CHD5: variants seen among roughly 807,000 people sequenced by gnomAD.
CHD5 encodes the protein ATP-dependent chromatin remodeler CHD5.
In CHD5, 69 loss-of-function variants were observed where a neutral mutation model predicts 230.3. That is an observed-to-expected ratio of 0.30 (90% CI 0.25 to 0.37). The LOEUF (loss-of-function observed/expected upper bound fraction) is 0.37. Among genes scored for constraint, CHD5 ranks in the 10% least tolerant of loss-of-function variants. The pLI is 1.00. For missense variants in CHD5, 1,827 were observed against 2,622.8 expected, an observed-to-expected ratio of 0.70 and a Z score of 6.63; for synonymous variants, 1,064 against 1,065.9, an observed-to-expected ratio of 1.00 and a Z score of 0.03.
chr1:6,130,252 G>A lies in CHD5; in HGVS notation c.3339C>T (p.Asp1113=). 1 of 1,614,128 alleles carries A rather than the reference G, an allele frequency of 6.2e-7. No homozygotes were observed. The change falls in exon 22 of 42, where the codon GAC becomes GAT. Residue 1113 remains aspartate (D), a synonymous_variant. Coordinates refer to ENST00000262450, the MANE Select transcript of CHD5 (RefSeq NM_015557.3). This position sits in a 1 kb window ranked among gnomAD's most constrained non-coding sequence, Gnocchi z 4.9. ...AGTCCGAGTCGTAGATGATGACAGTGTCCGCCGTGGCCAGGTTGATGCCCA... is the reference window on the plus strand; with the variant it reads ...AGTCCGAGTCGTAGATGATGACAGTATCCGCCGTGGCCAGGTTGATGCCCA... ...GGLGINLATA[D]TVIIYDSDWN...
chr1:6,153,194 G>A (rs1264457974), intron 5 of CHD5, among the ~76,000 whole-genome samples: 1 of 152,188 alleles, frequency 6.6e-6, no homozygotes, highest in Non-Finnish European at 1.5e-5. Context: ...ATGGAGCTAG[G>A]AGCCCAGCTG....
In CHD5 at chr1:6,154,618, T is replaced by A. The variant is rs763425409; in HGVS notation, c.745+42A>T. On this transcript the variant is annotated intron_variant, in intron 5 of 41. Transcript: ENST00000262450. The surrounding 1 kb of genome is among the most constrained non-coding windows in gnomAD (Gnocchi z 7.0). ...TCTCCTATAGGGTCTGAAAGGGACC[T>A]CTTCCCAGCGGGACTAGGTGCCCAC... The A allele has an allele frequency of 6.6e-7, 1 of 1,513,956 alleles. No homozygotes were observed. The highest frequency in any genetic ancestry group is 8.9e-7 in the Non-Finnish European group (1 of 1,129,370). The allele number at this position is 1,513,956 out of a possible 1,614,324, so 93.8% of individuals were successfully genotyped here.
At position 6,154,134 on chromosome 1, in the gene CHD5, G is replaced by C. The variant is rs1163977083; in HGVS notation, c.745+526C>G. ...TCCCTCCAACTCCTGCCTGCTTCCC[G>C]GATCCTAAAGCTGGAGGGGCAGGGC... is the stretch of plus-strand genomic sequence containing the variant. On this transcript the variant is annotated intron_variant, in intron 5 of 41. Transcript: ENST00000262450. The surrounding 1 kb of genome is among the most constrained non-coding windows in gnomAD (Gnocchi z 7.0). Among the ~76,000 whole-genome samples, 1 of 152,136 alleles carries C rather than the reference G, an allele frequency of 6.6e-6. No homozygotes were observed. The highest frequency in any genetic ancestry group is 1.5e-5 in the Non-Finnish European group (1 of 68,028).
chr1:6,131,644 G>C lies in CHD5; in HGVS notation c.3249C>G (p.Ile1083Met). The C allele has an allele frequency of 6.2e-7, 1 of 1,602,456 alleles. No homozygotes were observed. Among genetic ancestry groups the C allele is most frequent in the Non-Finnish European group, 8.6e-7 (1 of 1,169,476 alleles). Residue 1083 changes from isoleucine to methionine, a missense_variant, in exon 21 of 42, where the codon ATC becomes ATG. This residue lies in a region of CHD5 where 81 missense variants were observed against 245.4 expected (regional missense o/e 0.33). Transcript: ENST00000262450. This position sits in a 1 kb window ranked among gnomAD's most constrained non-coding sequence, Gnocchi z 5.0. ...GITGGLRQEA[I>M]DRFNAPGAQQ... is the part of the protein sequence containing the mutation. ...GGATGGGGGTACCATTGAATCTGTC[G>C]ATTGCCTCCTGCCGGAGGCCCCCGG... is the stretch of plus-strand genomic sequence containing the variant.
At chr1:6,175,242 TTGATGGATGGA>T (rs1667406140) in intron 1 of CHD5, among the ~76,000 whole-genome samples, 2 of 138,430 alleles carry the variant, frequency 1.4e-5, no homozygotes, top group African/African-American at 5.7e-5. Flanking sequence ...GGATTGTGGA[TTGATGGATGGA>T]TGGTGGGTGG....
At chr1:6,124,196 TGAAAGTGTCACAGGCTTGGGGTA>T in intron 30 of CHD5, 89 bp from the exon 31 acceptor site, 1 of 1,263,872 alleles carries the variant, frequency 7.9e-7, no homozygotes. Flanking sequence ...CCAGGGGGGC[TGAAAGTGTCACAGGCTTGGGGTA>T]GCTGCTACCT....
chr1:6,147,467 C>T (rs1666929372), intron 9 of CHD5, among the ~76,000 whole-genome samples: 1 of 152,180 alleles, frequency 6.6e-6, no homozygotes, highest in Non-Finnish European at 1.5e-5. Flanking sequence ...CTGACAGATG[C>T]TAGGGTGACA....
intron 1 of CHD5, among the ~76,000 whole-genome samples, chr1:6,172,659 C>T (rs1667357512): frequency 6.6e-6 from 1 of 152,208 alleles, no homozygotes; most frequent in African/African-American, 2.4e-5. Flanking sequence ...CACCCTCCCA[C>T]TGAAACAGCC....
intron 20 of CHD5, among the ~76,000 whole-genome samples, chr1:6,132,508 ACT>A (rs1394328899): frequency 6.6e-6 from 1 of 152,068 alleles, no homozygotes; most frequent in Non-Finnish European, 1.5e-5. Context: ...AGGTCTGCAA[ACT>A]CTCAACAAAT....
chr1:6,102,066 G>C lies in CHD5; in HGVS notation c.*3408C>G, dbSNP rs1157370671. On this transcript the variant is annotated 3_prime_UTR_variant, in exon 42 of 42. Coordinates refer to ENST00000262450, the MANE Select transcript of CHD5 (RefSeq NM_015557.3). ...GGGGAAAGGGGTCGGCCCCCTCTTA[G>C]CTGGGCCTGGGCCGGTGGAGTCTGC... is the stretch of plus-strand genomic sequence containing the variant. 2.5e-6 allele frequency: 1 copy of C among 394,100 alleles called. No homozygotes were observed. The highest frequency in any genetic ancestry group is 5.1e-6 in the Non-Finnish European group (1 of 197,814). 24.4% of individuals were successfully genotyped at this position (394,100 alleles called of 1,614,324 possible).
intron 3 of CHD5, 84 bp downstream of exon 3, chr1:6,159,252 C>T: frequency 6.6e-7 from 1 of 1,523,646 alleles, no homozygotes; most frequent in Non-Finnish European, 8.8e-7. Context: ...CACACACACA[C>T]ACACACAGAA....
At chr1:6,177,723 A>ATGACCAGGAGGCAGCGG (rs1553144365) in intron 1 of CHD5, among the ~76,000 whole-genome samples, 1 of 152,198 alleles carries the variant, frequency 6.6e-6, no homozygotes, top group Admixed American at 6.5e-5. Context: ...TGGGACCTAA[A>ATGACCAGGAGGCAGCGG]TGACCAGGAG....
chr1:6,124,218 T>G (rs1571145607), intron 30 of CHD5, 111 bp from the exon 31 acceptor site: 1 of 1,090,452 alleles, frequency 9.2e-7, no homozygotes, highest in Non-Finnish European at 1.3e-6. Context: ...AGGCTTGGGG[T>G]AGCTGCTACC....
intron 1 of CHD5, among the ~76,000 whole-genome samples, chr1:6,172,343 T>C (rs1667351505): frequency 6.6e-6 from 1 of 152,144 alleles, no homozygotes; most frequent in Non-Finnish European, 1.5e-5. Context: ...ATTTATTTAT[T>C]TATTTATTTT....
At position 6,111,800 on chromosome 1, in the gene CHD5, A is replaced by G; in HGVS notation, c.5224T>C (p.Tyr1742His). The stretch of plus-strand genomic sequence containing the variant: ...GTCACGATGCCCGCCAGCAGCCAGT[A>G]GTCATGGCGCCGGTGCCAGATGTCG... ...IYDIWHRRHD[Y>H]WLLAGIVTHG... The change falls in exon 36 of 42, where the codon TAC (tyrosine) becomes CAC (histidine). Residue 1742 changes from tyrosine to histidine, a missense_variant. This residue lies in a region of CHD5 where 272 missense variants were observed against 263.2 expected (regional missense o/e 1.03). Transcript: ENST00000262450. 6.2e-7 allele frequency: 1 copy of G among 1,613,524 alleles called. No individual in the cohort carries two copies. The highest frequency in any genetic ancestry group is 8.5e-7 in the Non-Finnish European group (1 of 1,179,980).
Position 6,121,366 on chromosome 1 carries a change from G to A in CHD5, c.4779+128C>T, listed in dbSNP as rs548613839. 2.6e-3 allele frequency: 3,825 copies of A among 1,499,228 alleles called. 5 individuals are homozygous for A. The highest frequency in any genetic ancestry group is 3.1e-3 in the Non-Finnish European group (3,392 of 1,093,070). 92.9% of individuals were successfully genotyped at this position (1,499,228 alleles called of 1,614,324 possible). A position where few individuals can be genotyped will look rare whatever the true frequency, so the allele number is the denominator to read the frequency against. On this transcript the variant is annotated intron_variant, in intron 32 of 41. Transcript: ENST00000262450. This position sits in a 1 kb window ranked among gnomAD's most constrained non-coding sequence, Gnocchi z 4.5. Reference sequence around the variant, plus strand: ...GCTTGCTCCTAGCCTGCTCCCCGCCGATTCAGAGCCCCGAAAAGGGAGCCA... The same window carrying A: ...GCTTGCTCCTAGCCTGCTCCCCGCCAATTCAGAGCCCCGAAAAGGGAGCCA...
In CHD5 at chr1:6,136,825, T is replaced by C. The variant is rs943304160; in HGVS notation, c.2477A>G (p.Tyr826Cys). ...GGCCTGGTCAATGGTGATGAGCTCA[T>C]AGGAGGTGAGCAGCACGTGGAATTT... ...QIKFHVLLTS[Y>C]ELITIDQAIL... is the part of the protein sequence containing the mutation. The change falls in exon 16 of 42, where the codon TAT (tyrosine) becomes TGT (cysteine). Residue 826 changes from tyrosine to cysteine, a missense_variant. Transcript: ENST00000262450. 8.1e-6 allele frequency: 13 copies of C among 1,613,016 alleles called. No homozygotes were observed. Among genetic ancestry groups the C allele is most frequent in the Admixed American group, 1.7e-5 (1 of 59,968 alleles).
chr1:6,119,157 T>TC (rs1333201825), intron 33 of CHD5, among the ~76,000 whole-genome samples: 4 of 151,820 alleles, frequency 2.6e-5, no homozygotes, highest in Non-Finnish European at 4.4e-5. Context: ...ACTTTTTTTT[T>TC]CTTTTTTGAG....
In CHD5 at chr1:6,172,355, G is replaced by A. The variant is rs983616025; in HGVS notation, c.80-4078C>T. On this transcript the variant is annotated intron_variant, in intron 1 of 41. Coordinates refer to ENST00000262450, the MANE Select transcript of CHD5 (RefSeq NM_015557.3). ...TTTATTTATTTATTTATTTATTTTAGAGACAGAGTCGCTGGCTGGAGTGCA... is the reference window on the plus strand; with the variant it reads ...TTTATTTATTTATTTATTTATTTTAAAGACAGAGTCGCTGGCTGGAGTGCA... Among the ~76,000 whole-genome samples the A allele has an allele frequency of 2.6e-5, 4 of 152,136 alleles. No individual in the cohort carries two copies. In the South Asian group the frequency reaches 8.3e-4, roughly 32 times the overall value.
Sources: allele counts gnomAD v4.1 joint callset (sites outside exome capture counted in the v4.1 genomes callset), GRCh38; gene constraint gnomAD v4.1.1; regional missense constraint gnomAD v4.1.1; non-coding constraint Gnocchi (gnomAD v3.1); transcripts MANE v1.5; gene names NCBI Gene and HGNC (gene_info 2026-07-23, HGNC 2026-07-21).